Variants in LRMDA observed in about 807,000 individuals in gnomAD.
LRMDA encodes leucine-rich melanocyte differentiation-associated protein.
Under a neutral mutation model 29.8 loss-of-function variants are expected in LRMDA, and 18 were observed. The ratio of observed to expected loss-of-function variants is 0.60; its 90% CI spans 0.42 to 0.90. The LOEUF is 0.90. Ranked by LOEUF, LRMDA falls within the 40% of genes least tolerant of loss-of-function variation. The probability of loss-of-function intolerance (pLI) is 0.00; values close to 1 mark genes in which losing one functional copy is unlikely to be tolerated. For missense variants in LRMDA, 273 were observed against 273.9 expected (o/e 1.00, Z 0.02); for synonymous variants, 125 against 109.4 (o/e 1.14, Z -0.89).
At chr10:76,132,138 C>T (rs1457968391) in intron 5 of LRMDA, among the ~76,000 whole-genome samples, 1 of 152,110 alleles carries the variant, frequency 6.6e-6, no homozygotes, top group Non-Finnish European at 1.5e-5. Flanking sequence ...AACATAAAAA[C>T]CTCTGGGGTA....
chr10:75,789,685 CT>C (rs1389560367), intron 2 of LRMDA, among the ~76,000 whole-genome samples: 1 of 152,170 alleles, frequency 6.6e-6, no homozygotes, highest in African/African-American at 2.4e-5. Flanking sequence ...CATAAATGTT[CT>C]TTTTCTCTCC....
intron 5 of LRMDA, among the ~76,000 whole-genome samples, chr10:76,145,878 C>A (rs1850307186): frequency 6.6e-6 from 1 of 151,032 alleles, no homozygotes; most frequent in Non-Finnish European, 1.5e-5. Context: ...CCCAGAGATT[C>A]TGGTATGTTG....
At chr10:76,024,516 C>A (rs776957686) in intron 2 of LRMDA, among the ~76,000 whole-genome samples, 4 of 152,342 alleles carry the variant, frequency 2.6e-5, no homozygotes, top group Non-Finnish European at 5.9e-5. Flanking sequence ...GCCTTCTTTC[C>A]TGCTGGAGAC....
intron 1 of LRMDA, among the ~76,000 whole-genome samples, chr10:75,437,514 T>A (rs1589144233): frequency 6.6e-6 from 1 of 152,180 alleles, no homozygotes. Flanking sequence ...ATGGGTTTAT[T>A]TTATGGTTTG....
At chr10:75,795,144 C>T (rs1405796425) in intron 2 of LRMDA, among the ~76,000 whole-genome samples, 1 of 151,930 alleles carries the variant, frequency 6.6e-6, no homozygotes, top group Non-Finnish European at 1.5e-5. Context: ...ACCTGTAATC[C>T]CAGCACTTTG....
At chr10:76,530,594 C>T (rs968667408) in intron 6 of LRMDA, among the ~76,000 whole-genome samples, 8 of 151,932 alleles carry the variant, frequency 5.3e-5, no homozygotes, top group African/African-American at 1.5e-4. Flanking sequence ...ACTGTAATGA[C>T]GAGGAGGAGC....
Position 75,521,228 on chromosome 10 carries a change from C to G in LRMDA, c.131+82734C>G, listed in dbSNP as rs1010038889. On this transcript the variant is annotated intron_variant, in intron 2 of 6. Coordinates refer to ENST00000611255, the MANE Select transcript of LRMDA (RefSeq NM_001305581.2). ...CTCAAACGCCATGCTGGGAGAACCACTGCTCTCTTCAGAGCTGTCAGACAG... is the reference window on the plus strand; with the variant it reads ...CTCAAACGCCATGCTGGGAGAACCAGTGCTCTCTTCAGAGCTGTCAGACAG... Among the ~76,000 whole-genome samples the G allele has an allele frequency of 2.0e-5, 3 of 152,260 alleles. No homozygotes were observed. The East Asian group carries it at 5.8e-4, about 29-fold the overall frequency.
intron 6 of LRMDA, among the ~76,000 whole-genome samples, chr10:76,403,954 C>T (rs1008115485): frequency 2.6e-5 from 4 of 152,138 alleles, no homozygotes; most frequent in South Asian, 2.1e-4. Flanking sequence ...CCGCTCTCCA[C>T]TAGTGAAACA....
intron 5 of LRMDA, among the ~76,000 whole-genome samples, chr10:76,067,998 G>C (rs1386952480): frequency 6.6e-6 from 1 of 152,200 alleles, no homozygotes; most frequent in Non-Finnish European, 1.5e-5. Flanking sequence ...GCAAGAAGGG[G>C]GCAGGCAGAG....
At chr10:75,544,052 A>C (rs1374714844) in intron 2 of LRMDA, among the ~76,000 whole-genome samples, 3 of 152,166 alleles carry the variant, frequency 2.0e-5, no homozygotes, top group Non-Finnish European at 2.9e-5. Flanking sequence ...TGCCAGGGAC[A>C]TCCTTAAAAA....
intron 2 of LRMDA, among the ~76,000 whole-genome samples, chr10:75,667,660 C>T (rs1841840172): frequency 6.6e-6 from 1 of 152,152 alleles, no homozygotes; most frequent in African/African-American, 2.4e-5. Context: ...AGGATGTTCA[C>T]TTCTTCTACT....
At chr10:76,555,697 AT>A in intron 6 of LRMDA, among the ~76,000 whole-genome samples, 1 of 150,510 alleles carries the variant, frequency 6.6e-6, no homozygotes, top group East Asian at 2.0e-4. Flanking sequence ...TTGCAAAAAT[AT>A]TTACTACTTA....
chr10:76,289,712 T>A (rs1394298513), intron 5 of LRMDA, among the ~76,000 whole-genome samples: 1 of 152,208 alleles, frequency 6.6e-6, no homozygotes, highest in Non-Finnish European at 1.5e-5. Context: ...GGTGGCTGTT[T>A]CTCAAATGTG....
At chr10:76,253,771 A>C (rs564606871) in intron 5 of LRMDA, among the ~76,000 whole-genome samples, 1 of 152,172 alleles carries the variant, frequency 6.6e-6, no homozygotes. Flanking sequence ...TTCCATGAGC[A>C]GATCTATAAG....
chr10:76,260,124 G>A (rs950391790), intron 5 of LRMDA, among the ~76,000 whole-genome samples: 20 of 151,774 alleles, frequency 1.3e-4, no homozygotes, highest in African/African-American at 2.4e-4. Context: ...CATTTTATTC[G>A]TTGTTTCCTG....
At chr10:76,427,975 G>T (rs913955877) in intron 6 of LRMDA, among the ~76,000 whole-genome samples, 1 of 152,088 alleles carries the variant, frequency 6.6e-6, no homozygotes, top group Non-Finnish European at 1.5e-5. Context: ...TGGTGGATAC[G>T]CTTTTTGATG....
chr10:75,960,609 T>A (rs879338966), intron 2 of LRMDA, among the ~76,000 whole-genome samples: 6 of 152,208 alleles, frequency 3.9e-5, no homozygotes, highest in Non-Finnish European at 7.3e-5. Flanking sequence ...GTTGATTTTT[T>A]AAATTTTTAT....
chr10:76,382,573 C>G (rs560591541), intron 6 of LRMDA, among the ~76,000 whole-genome samples: 2 of 152,316 alleles, frequency 1.3e-5, no homozygotes, highest in South Asian at 4.1e-4. Context: ...CTCAGATTCT[C>G]AAAGCCAGGA....
chr10:75,618,395 T>A (rs1490430418), intron 2 of LRMDA, among the ~76,000 whole-genome samples: 2 of 145,700 alleles, frequency 1.4e-5, no homozygotes, highest in Non-Finnish European at 3.0e-5. Context: ...TATATATATA[T>A]ATATATATAT....
Sources: gnomAD v4.1 joint callset for allele counts (sites outside exome capture counted in the v4.1 genomes callset) on GRCh38, gnomAD v4.1.1 for gene constraint, MANE v1.5 for transcripts, NCBI Gene and HGNC (gene_info 2026-07-23, HGNC 2026-07-21) for gene names.